The following GLI3 variants were observed in gnomAD, a reference collection of about 807,000 sequenced individuals.
GLI3 encodes transcription activator GLI3.
In GLI3, 20 loss-of-function variants were observed where a neutral mutation model predicts 100.8. That is an observed-to-expected ratio of 0.20 (90% CI 0.14 to 0.29). The LOEUF is 0.29. Among genes scored for constraint, GLI3 ranks in the 10% least tolerant of loss-of-function variants. GLI3 has a pLI of 1.00. For missense variants in GLI3, 2,040 were observed against 2,128.5 expected (o/e 0.96, Z 0.82); for synonymous variants, 938 against 860.5 (o/e 1.09, Z -1.58).
Position 42,071,196 on chromosome 7 carries a change from C to G in GLI3, c.473+5556G>C, listed in dbSNP as rs186699566. Among the ~76,000 whole-genome samples, 386 of 152,060 alleles carry G rather than the reference C, an allele frequency of 2.5e-3. 3 individuals are homozygous for G. The highest frequency in any genetic ancestry group is 8.6e-3 in the African/African-American group (356 of 41,474). ...TGAGAGATGTAATTATAATTTAGTT[C>G]ATGTTTTCTTTTTCTTTTTTGGGGG... On this transcript the variant is annotated intron_variant, in intron 4 of 14. Transcript: ENST00000395925.
At chr7:42,210,874 T>C (rs1788259369) in intron 2 of GLI3, among the ~76,000 whole-genome samples, 1 of 152,210 alleles carries the variant, frequency 6.6e-6, no homozygotes, top group Non-Finnish European at 1.5e-5. Flanking sequence ...TACCTTGTGC[T>C]AAGCCAACAC....
chr7:42,059,915 AAGG>A (rs978985588), intron 4 of GLI3, among the ~76,000 whole-genome samples: 3 of 152,256 alleles, frequency 2.0e-5, no homozygotes, highest in African/African-American at 7.2e-5. Flanking sequence ...CAGAGGATCA[AAGG>A]AGTCTTTCCT....
At chr7:42,101,920 G>C (rs1243675176) in intron 3 of GLI3, among the ~76,000 whole-genome samples, 1 of 142,174 alleles carries the variant, frequency 7.0e-6, no homozygotes, top group African/African-American at 2.8e-5. Flanking sequence ...CCACCTATGA[G>C]TGAGAATATG....
intron 3 of GLI3, among the ~76,000 whole-genome samples, chr7:42,118,008 G>C (rs1226052479): frequency 6.6e-6 from 1 of 152,140 alleles, no homozygotes; most frequent in Non-Finnish European, 1.5e-5. Flanking sequence ...GAATATACTT[G>C]ATGGGCCAAA....
chr7:42,054,230 A>G (rs1784407570), intron 4 of GLI3, among the ~76,000 whole-genome samples: 1 of 152,260 alleles, frequency 6.6e-6, no homozygotes, highest in East Asian at 1.9e-4. Flanking sequence ...TGAGAAACTT[A>G]AAACATGTTG....
chr7:41,976,414 A>G (rs1449527089), intron 12 of GLI3, among the ~76,000 whole-genome samples: 3 of 152,192 alleles, frequency 2.0e-5, no homozygotes, highest in Non-Finnish European at 4.4e-5. Flanking sequence ...TAATCCCTTT[A>G]GAGATGTTTT....
chr7:41,961,766 C>T lies in GLI3; in HGVS notation c.*2564G>A, dbSNP rs1372832374. Reference sequence around the variant, plus strand: ...CTACAGAGATCCCAAAAGGATGTCCCAAAAAGATGCTTCTAAGTGACCTCA... The same window carrying T: ...CTACAGAGATCCCAAAAGGATGTCCTAAAAAGATGCTTCTAAGTGACCTCA... On this transcript the variant is annotated 3_prime_UTR_variant, in exon 15 of 15. Transcript: ENST00000395925. 1 of 152,054 alleles carries T rather than the reference C, an allele frequency of 6.6e-6. No homozygotes were observed. The highest frequency in any genetic ancestry group is 1.5e-5 in the Non-Finnish European group (1 of 68,068). 9.4% of individuals were successfully genotyped at this position (152,054 alleles called of 1,614,324 possible).
intron 3 of GLI3, among the ~76,000 whole-genome samples, chr7:42,092,138 G>A (rs530149107): frequency 1.3e-5 from 2 of 152,292 alleles, no homozygotes; most frequent in East Asian, 3.9e-4. Flanking sequence ...TCTGCCCTGC[G>A]GCCAAGGACC....
chr7:42,193,332 G>A (rs551435234), intron 2 of GLI3, among the ~76,000 whole-genome samples: 2 of 151,910 alleles, frequency 1.3e-5, no homozygotes, highest in African/African-American at 4.8e-5. Context: ...AAAATCCCTC[G>A]AGGAAGCTTC....
chr7:42,110,935 A>G (rs1336081205), intron 3 of GLI3, among the ~76,000 whole-genome samples: 1 of 152,176 alleles, frequency 6.6e-6, no homozygotes, highest in Non-Finnish European at 1.5e-5. Flanking sequence ...GAGAACGACA[A>G]GAGTCCAGAA....
intron 4 of GLI3, among the ~76,000 whole-genome samples, chr7:42,076,536 T>C (rs1161312324): frequency 6.6e-6 from 1 of 152,208 alleles, no homozygotes; most frequent in African/African-American, 2.4e-5. Context: ...AGGAAATACT[T>C]GTCGGCGACC....
intron 3 of GLI3, among the ~76,000 whole-genome samples, chr7:42,099,202 G>A (rs1785405706): frequency 6.6e-6 from 1 of 152,182 alleles, no homozygotes; most frequent in South Asian, 2.1e-4. Context: ...ATAGTAACTT[G>A]ACATGTTTGA....
rs186219499 is a variant in GLI3, at chr7:42,090,249, A to T, written c.368-13392T>A. Among the ~76,000 whole-genome samples, 489 of 152,300 alleles carry T rather than the reference A, an allele frequency of 3.2e-3. 1 individual carries two copies. Among genetic ancestry groups the T allele is most frequent in the South Asian group, 0.015 (72 of 4,824 alleles). ...TGGTGAATGAATGTGAAGACCTAGGACATCCCTGTACAGTACTGTTGACTT... is the reference window on the plus strand; with the variant it reads ...TGGTGAATGAATGTGAAGACCTAGGTCATCCCTGTACAGTACTGTTGACTT... On this transcript the variant is annotated intron_variant, in intron 3 of 14. Coordinates refer to ENST00000395925, the MANE Select transcript of GLI3 (RefSeq NM_000168.6).
intron 4 of GLI3, among the ~76,000 whole-genome samples, chr7:42,051,756 C>T (rs948659644): frequency 4.6e-5 from 7 of 152,124 alleles, no homozygotes; most frequent in African/African-American, 1.7e-4. Flanking sequence ...ACCCCCACCC[C>T]CAGCCTCTAC....
At chr7:42,062,751 T>C (rs757411442) in intron 4 of GLI3, among the ~76,000 whole-genome samples, 8 of 151,658 alleles carry the variant, frequency 5.3e-5, no homozygotes, top group Non-Finnish European at 1.2e-4. Flanking sequence ...AAGAGCAGCC[T>C]GAACTTTTAG....
intron 3 of GLI3, among the ~76,000 whole-genome samples, chr7:42,112,519 G>A (rs1380830121): frequency 6.6e-6 from 1 of 152,034 alleles, no homozygotes; most frequent in African/African-American, 2.4e-5. Flanking sequence ...ACTTGAGATG[G>A]ATACCTCAAT....
intron 1 of GLI3, among the ~76,000 whole-genome samples, chr7:42,255,524 A>C (rs1483094102): frequency 6.6e-6 from 1 of 152,160 alleles, no homozygotes. Flanking sequence ...TATGCTTTCT[A>C]TCCAAGTTTG....
At position 42,232,397 on chromosome 7, in the gene GLI3, C is replaced by G. The variant is rs118164345; in HGVS notation, c.-43+4574G>C. ...TCAGAGCAGTAATTCTACAAGTCGA[C>G]AGAGTACACTTTCAAAGCTATAATG... On this transcript the variant is annotated intron_variant, in intron 1 of 14. Coordinates refer to ENST00000395925, the MANE Select transcript of GLI3 (RefSeq NM_000168.6). 4.0e-3 allele frequency among the ~76,000 whole-genome samples: 604 copies of G among 152,324 alleles called. 1 individual carries two copies. The highest frequency in any genetic ancestry group is 6.7e-3 in the Non-Finnish European group (454 of 68,036).
intron 7 of GLI3, among the ~76,000 whole-genome samples, chr7:42,037,684 C>T (rs1297789701): frequency 6.6e-6 from 1 of 152,214 alleles, no homozygotes; most frequent in Non-Finnish European, 1.5e-5. Context: ...GGCCCAGGCA[C>T]CCAACTGTCA....
Sources: allele counts gnomAD v4.1 joint callset (sites outside exome capture counted in the v4.1 genomes callset), GRCh38; gene constraint gnomAD v4.1.1; transcripts MANE v1.5; gene names NCBI Gene and HGNC (gene_info 2026-07-23, HGNC 2026-07-21).